USH2A: variants seen among roughly 807,000 people sequenced by gnomAD.
USH2A encodes Usher syndrome 2A (autosomal recessive, mild).
USH2A carries 443 observed loss-of-function variants against 538.9 expected under a neutral mutation model. That is an observed-to-expected ratio of 0.82 (90% CI 0.76 to 0.89). USH2A has a LOEUF of 0.89. Ranked by LOEUF, USH2A falls within the 40% of genes least tolerant of loss-of-function variation. The pLI is 0.00. For synonymous variants in USH2A, 2,413 were observed against 2,273.5 expected (o/e 1.06, Z -1.75); for missense variants, 6,633 against 6,324.8 (o/e 1.05, Z -1.65).
rs544193999 is a variant in USH2A, at chr1:215,808,139, A to G, written c.9739+5597T>C. ...CTTATGCTTTCATAAGAATGTGATC[A>G]TGTAAAATATTACTTGAAATAGTCA... On this transcript the variant is annotated intron_variant, in intron 49 of 71. Transcript: ENST00000307340. 4.6e-5 allele frequency among the ~76,000 whole-genome samples: 7 copies of G among 152,318 alleles called. No homozygotes were observed. The East Asian group carries it at 1.4e-3, about 29-fold the overall frequency.
intron 21 of USH2A, among the ~76,000 whole-genome samples, chr1:216,154,136 C>T (rs1233612267): frequency 6.6e-6 from 1 of 152,068 alleles, no homozygotes; most frequent in Non-Finnish European, 1.5e-5. Flanking sequence ...TAAATTCCTT[C>T]TTAGGATAAA....
intron 3 of USH2A, among the ~76,000 whole-genome samples, chr1:216,399,942 TA>T (rs36089517): frequency 0.59 from 89,805 of 151,510 alleles, 27,636 homozygotes; most frequent in East Asian, 0.8. Context: ...AGCTTCTGAA[TA>T]AAAAAAGAAG....
Position 215,674,685 on chromosome 1 carries a change from G to T in USH2A, c.13226C>A (p.Ser4409Tyr). Residue 4409 changes from serine to tyrosine, a missense_variant, in exon 63 of 72, where the codon TCC becomes TAC. By Grantham distance (144) the Ser-to-Tyr change is moderately radical. Transcript: ENST00000307340. The part of the protein sequence containing the change: ...LAGQGLCLLV[S>Y]HLQPYSQYNF... ...ATACTGAGAGTAAGGCTGCAGGTGG[G>T]AAACCAGCAGGCACAGGCCCTGGCC... is the stretch of plus-strand genomic sequence containing the variant. 6.2e-7 allele frequency: 1 copy of T among 1,614,030 alleles called. No individual in the cohort carries two copies. Among genetic ancestry groups the T allele is most frequent in the Non-Finnish European group, 8.5e-7 (1 of 1,180,000 alleles).
At chr1:216,153,240 C>T (rs766571831) in intron 21 of USH2A, among the ~76,000 whole-genome samples, 1 of 152,164 alleles carries the variant, frequency 6.6e-6, no homozygotes, top group Non-Finnish European at 1.5e-5. Context: ...ACACTTAAGC[C>T]ATATGTGGAT....
At chr1:215,785,054 C>T (rs920857670) in intron 52 of USH2A, among the ~76,000 whole-genome samples, 1 of 152,124 alleles carries the variant, frequency 6.6e-6, no homozygotes, top group Non-Finnish European at 1.5e-5. Flanking sequence ...GAGGCCTTTC[C>T]TAATTAAATT....
chr1:216,234,164 C>T (rs930587630), intron 13 of USH2A, among the ~76,000 whole-genome samples: 6 of 152,142 alleles, frequency 3.9e-5, no homozygotes, highest in African/African-American at 1.4e-4. Context: ...CTCTAAAACT[C>T]ATTCCAGGCT....
At chr1:216,211,008 T>A (rs1307835339) in intron 15 of USH2A, among the ~76,000 whole-genome samples, 1 of 46,618 alleles carries the variant, frequency 2.1e-5, no homozygotes, top group Admixed American at 3.1e-4. Context: ...GTGTTTGGGG[T>A]GGTGGGGGGT....
intron 41 of USH2A, among the ~76,000 whole-genome samples, chr1:215,888,208 A>C (rs181267977): frequency 2.4e-4 from 37 of 152,368 alleles, no homozygotes; most frequent in African/African-American, 7.5e-4. Context: ...AGGCAAATGG[A>C]AGCATCTCAA....
At chr1:216,171,623 A>G (rs1038525181) in intron 21 of USH2A, among the ~76,000 whole-genome samples, 1 of 152,104 alleles carries the variant, frequency 6.6e-6, no homozygotes, top group Non-Finnish European at 1.5e-5. Context: ...CTAATGTTTA[A>G]TGAGTACTAA....
intron 4 of USH2A, among the ~76,000 whole-genome samples, chr1:216,355,177 C>A (rs2038359934): frequency 6.6e-6 from 1 of 151,830 alleles, no homozygotes; most frequent in Non-Finnish European, 1.5e-5. Flanking sequence ...GTGGCATACA[C>A]CTGTAATCTC....
At chr1:216,015,368 G>A (rs980751659) in intron 32 of USH2A, among the ~76,000 whole-genome samples, 1 of 152,160 alleles carries the variant, frequency 6.6e-6, no homozygotes, top group Non-Finnish European at 1.5e-5. Flanking sequence ...CTCCACAATT[G>A]CTTGCTCAGC....
At position 215,624,566 on chromosome 1, in the gene USH2A, A is replaced by G. The variant is rs916142277; in HGVS notation, c.*1215T>C. The G allele has an allele frequency of 1.3e-5, 2 of 152,156 alleles. No homozygotes were observed. Among genetic ancestry groups the G allele is most frequent in the Non-Finnish European group, 2.9e-5 (2 of 68,008 alleles). 9.4% of individuals were successfully genotyped at this position (152,156 alleles called of 1,614,324 possible). On this transcript the variant is annotated 3_prime_UTR_variant, in exon 72 of 72. Coordinates refer to ENST00000307340, the MANE Select transcript of USH2A (RefSeq NM_206933.4). ...TGTTTTCCATGAAGAACAAATTTAA[A>G]TATCTGATTTTATGTGGATGATTTG... is the stretch of plus-strand genomic sequence containing the variant.
At chr1:216,396,344 A>G (rs565851162) in intron 3 of USH2A, among the ~76,000 whole-genome samples, 1 of 152,264 alleles carries the variant, frequency 6.6e-6, no homozygotes, top group South Asian at 2.1e-4. Context: ...GAAATTATCT[A>G]AACTGTGTAC....
chr1:216,076,832 A>T (rs2031769387), intron 27 of USH2A, among the ~76,000 whole-genome samples: 1 of 152,118 alleles, frequency 6.6e-6, no homozygotes. Flanking sequence ...AATTTTAACC[A>T]TTCAGGGTAT....
At chr1:216,406,412 T>C (rs1039375413) in intron 3 of USH2A, among the ~76,000 whole-genome samples, 2 of 152,202 alleles carry the variant, frequency 1.3e-5, no homozygotes, top group Non-Finnish European at 2.9e-5. Context: ...ATTATGGTGA[T>C]ACTTTCATGG....
intron 3 of USH2A, among the ~76,000 whole-genome samples, chr1:216,415,198 A>T (rs970345505): frequency 2.0e-5 from 3 of 152,044 alleles, no homozygotes; most frequent in Non-Finnish European, 2.9e-5. Context: ...GACTTGTGCT[A>T]CACTCCACAC....
intron 32 of USH2A, among the ~76,000 whole-genome samples, chr1:216,029,984 A>C (rs946789323): frequency 6.7e-6 from 1 of 148,490 alleles, no homozygotes; most frequent in African/African-American, 2.5e-5. Flanking sequence ...AGAGATATAG[A>C]TATATCATAG....
chr1:215,666,813 C>A (rs1657617946), intron 64 of USH2A, among the ~76,000 whole-genome samples: 1 of 152,178 alleles, frequency 6.6e-6, no homozygotes, highest in African/African-American at 2.4e-5. Flanking sequence ...GTTGCTAGGC[C>A]AGGCGCGGTG....
chr1:215,819,758 T>C (rs1662960081), intron 47 of USH2A, among the ~76,000 whole-genome samples: 1 of 151,758 alleles, frequency 6.6e-6, no homozygotes, highest in Non-Finnish European at 1.5e-5. Flanking sequence ...ACATAACTGT[T>C]AAGTGAGACC....
Sources: allele counts gnomAD v4.1 joint callset (sites outside exome capture counted in the v4.1 genomes callset), GRCh38; gene constraint gnomAD v4.1.1; transcripts MANE v1.5; gene names NCBI Gene and HGNC (gene_info 2026-07-23, HGNC 2026-07-21).